Variants in KCNQ5 observed in about 807,000 individuals in gnomAD.
KCNQ5 encodes potassium voltage-gated channel subfamily Q member 5.
Under a neutral mutation model 98.2 loss-of-function variants are expected in KCNQ5, and 30 were observed. The observed-to-expected ratio is 0.31, with a 90% CI of 0.23 to 0.41. The LOEUF is 0.41. Ranked by LOEUF, KCNQ5 falls within the 10% of genes least tolerant of loss-of-function variation. The probability of loss-of-function intolerance (pLI) is 1.00; values close to 1 mark genes in which losing one functional copy is unlikely to be tolerated. For missense variants in KCNQ5, 835 were observed against 1,182.5 expected (o/e 0.71, Z 4.31); for synonymous variants, 458 against 449.4 (o/e 1.02, Z -0.24).
At chr6:73,193,484 T>TAAAAA (rs1243140922) in intron 13 of KCNQ5, among the ~76,000 whole-genome samples, 4 of 147,620 alleles carry the variant, frequency 2.7e-5, no homozygotes, top group African/African-American at 9.8e-5. Context: ...TAAAATAAAA[T>TAAAAA]AAAATAAAAT....
chr6:72,714,437 T>C (rs1372527502), intron 1 of KCNQ5, among the ~76,000 whole-genome samples: 2 of 151,868 alleles, frequency 1.3e-5, no homozygotes, highest in Non-Finnish European at 2.9e-5. Context: ...GAGTTCAAGA[T>C]GGAAATGGAT....
intron 1 of KCNQ5, among the ~76,000 whole-genome samples, chr6:72,957,384 T>C (rs1767134758): frequency 6.6e-6 from 1 of 152,022 alleles, no homozygotes; most frequent in Non-Finnish European, 1.5e-5. Flanking sequence ...TTGGCCAGGC[T>C]GGTCTTGAAC....
intron 1 of KCNQ5, among the ~76,000 whole-genome samples, chr6:72,836,452 A>G (rs1776506556): frequency 6.6e-6 from 1 of 152,168 alleles, no homozygotes; most frequent in Admixed American, 6.6e-5. Context: ...GTATATATAT[A>G]TATTTGAGAC....
intron 1 of KCNQ5, among the ~76,000 whole-genome samples, chr6:72,658,742 G>T (rs555765258): frequency 6.6e-6 from 1 of 151,140 alleles, no homozygotes; most frequent in African/African-American, 2.4e-5. Flanking sequence ...CACCATGCCC[G>T]GTAACTTTTG....
At chr6:72,722,207 A>G (rs911464146) in intron 1 of KCNQ5, among the ~76,000 whole-genome samples, 15 of 152,116 alleles carry the variant, frequency 9.9e-5, no homozygotes, top group African/African-American at 2.2e-4. Flanking sequence ...CTGATTTTGG[A>G]CTTCTGACCT....
At chr6:72,703,416 GTTTGT>G in intron 1 of KCNQ5, among the ~76,000 whole-genome samples, 1 of 152,218 alleles carries the variant, frequency 6.6e-6, no homozygotes, top group South Asian at 2.1e-4. Flanking sequence ...TGGCTGGTTT[GTTTGT>G]TTTGTTTTTG....
intron 1 of KCNQ5, among the ~76,000 whole-genome samples, chr6:72,629,370 G>A (rs978445244): frequency 2.0e-5 from 3 of 150,362 alleles, no homozygotes; most frequent in Non-Finnish European, 4.4e-5. Flanking sequence ...TTTATACTGT[G>A]CTGATATATA....
chr6:72,664,281 C>T (rs980709255), intron 1 of KCNQ5, among the ~76,000 whole-genome samples: 3 of 152,144 alleles, frequency 2.0e-5, no homozygotes, highest in African/African-American at 4.8e-5. Context: ...TCTCTCAAAA[C>T]GTCGGGTTCC....
At chr6:72,696,719 T>A (rs1344425587) in intron 1 of KCNQ5, among the ~76,000 whole-genome samples, 2 of 152,320 alleles carry the variant, frequency 1.3e-5, no homozygotes, top group African/African-American at 2.4e-5. Flanking sequence ...GGGATTTTTT[T>A]AAATAGAGGC....
At chr6:73,024,671 T>A (rs1270382111) in intron 2 of KCNQ5, among the ~76,000 whole-genome samples, 4 of 152,218 alleles carry the variant, frequency 2.6e-5, no homozygotes, top group African/African-American at 9.6e-5. Context: ...TTGTTTTAAT[T>A]ATAAGATGGA....
At chr6:72,997,674 T>G (rs1191444346) in intron 1 of KCNQ5, among the ~76,000 whole-genome samples, 5 of 148,310 alleles carry the variant, frequency 3.4e-5, no homozygotes, top group Non-Finnish European at 7.4e-5. Context: ...TCCCAGCTAC[T>G]CAGGAGGCTG....
At chr6:72,926,069 A>C (rs143509201) in intron 1 of KCNQ5, among the ~76,000 whole-genome samples, 1 of 152,308 alleles carries the variant, frequency 6.6e-6, no homozygotes, top group Non-Finnish European at 1.5e-5. Context: ...TCTGAGCATC[A>C]GGTGGATCCA....
chr6:73,121,421 A>G (rs937705519), intron 8 of KCNQ5, among the ~76,000 whole-genome samples: 4 of 152,112 alleles, frequency 2.6e-5, no homozygotes. Flanking sequence ...AATCATATTC[A>G]CCACCTAATT....
At chr6:73,127,623 A>G (rs1283158610) in intron 9 of KCNQ5, among the ~76,000 whole-genome samples, 1 of 152,196 alleles carries the variant, frequency 6.6e-6, no homozygotes, top group Non-Finnish European at 1.5e-5. Context: ...TTAGTTAACT[A>G]CATTCCCGGC....
At chr6:72,658,371 C>T (rs938703783) in intron 1 of KCNQ5, among the ~76,000 whole-genome samples, 1 of 150,614 alleles carries the variant, frequency 6.6e-6, no homozygotes, top group Non-Finnish European at 1.5e-5. Context: ...ACCTCTGCCT[C>T]CCAGATTCAA....
At chr6:73,072,859 T>C (rs1218790938) in intron 3 of KCNQ5, among the ~76,000 whole-genome samples, 2 of 152,152 alleles carry the variant, frequency 1.3e-5, no homozygotes, top group African/African-American at 4.8e-5. Flanking sequence ...TTTGTTTCCT[T>C]TGAGAGAGGT....
intron 1 of KCNQ5, among the ~76,000 whole-genome samples, chr6:72,856,469 T>TACACACAC (rs767112412): frequency 1.5e-4 from 9 of 58,950 alleles, no homozygotes; most frequent in African/African-American, 3.3e-4. Context: ...CACACACATA[T>TACACACAC]ATACACACAC....
At chr6:72,817,749 G>A (rs978052710) in intron 1 of KCNQ5, among the ~76,000 whole-genome samples, 1 of 151,836 alleles carries the variant, frequency 6.6e-6, no homozygotes, top group African/African-American at 2.4e-5. Flanking sequence ...CCAAAATTAG[G>A]TGGGCGTGGT....
intron 1 of KCNQ5, among the ~76,000 whole-genome samples, chr6:72,624,091 C>A (rs963736235): frequency 6.6e-6 from 1 of 152,162 alleles, no homozygotes; most frequent in Non-Finnish European, 1.5e-5. Flanking sequence ...ACAATGCACA[C>A]AAGGAGAACG....
Sources: allele counts gnomAD v4.1 joint callset (sites outside exome capture counted in the v4.1 genomes callset), GRCh38; gene constraint gnomAD v4.1.1; transcripts MANE v1.5; gene names NCBI Gene and HGNC (gene_info 2026-07-23, HGNC 2026-07-21).